Variants in DDX3X observed in about 807,000 individuals in gnomAD.
The protein encoded by DDX3X is DEAD-box helicase 3 X-linked, also known as ATP-dependent RNA helicase DDX3X.
A neutral mutation model predicts 52.7 loss-of-function variants in DDX3X; 4 were observed. The ratio of observed to expected loss-of-function variants is 0.08; its 90% CI spans 0.04 to 0.17. DDX3X has a LOEUF of 0.17. Among genes scored for constraint, DDX3X ranks in the 10% least tolerant of loss-of-function variants. The pLI, the probability that DDX3X is intolerant of heterozygous loss-of-function variation, is 1.00. For missense variants in DDX3X, 222 were observed against 548.6 expected, an observed-to-expected ratio of 0.40 and a Z score of 5.95; for synonymous variants, 192 against 178.1, an observed-to-expected ratio of 1.08 and a Z score of -0.62.
At chrX:41,343,381 A>G (rs369874066) in intron 7 of DDX3X, 30 bp downstream of exon 7, 64 of 1,158,565 alleles carry the variant, frequency 5.5e-5, no homozygotes, top group African/African-American at 4.6e-4. Context: ...GTAAAACATC[A>G]TATTTCTTCT....
At chrX:41,362,336 G>T (rs1721683) in intron 5 of DDX3X, among the ~76,000 whole-genome samples, 1 of 110,426 alleles carries the variant, frequency 9.1e-6, no homozygotes, top group African/African-American at 3.3e-5. Context: ...TAATCTGCCC[G>T]CCTTGGCCCC....
At position 41,342,506 on chromosome X, in the gene DDX3X, G is replaced by A; in HGVS notation, c.296G>A (p.Arg99His). 8.3e-7 allele frequency: 1 copy of A among 1,211,427 alleles called. No individual in the cohort carries two copies. The highest frequency in any genetic ancestry group is 1.1e-6 in the Non-Finnish European group (1 of 895,266). Residue 99 changes from arginine (R) to histidine (H), a missense_variant, in exon 5 of 17, where the codon CGT becomes CAT. Transcript: ENST00000644876. The part of the protein sequence containing the change: ...GSGSRGRFDD[R>H]GRSDYDGIGS... ...CTTGTGCTGTTCAGGTTTGATGATC[G>A]TGGACGGAGTGATTACGATGGCATT...
rs1014618431 is a variant in DDX3X, at chrX:41,343,649, T to C, written c.680-88T>C. On this transcript the variant is annotated intron_variant, in intron 7 of 16. Coordinates refer to ENST00000644876, the MANE Select transcript of DDX3X (RefSeq NM_001356.5). ...AAGCATAAACTAAAAGTACTAATTA[T>C]TAGTAATAGGGTAGTTAAAAAACAC... is the stretch of plus-strand genomic sequence containing the variant. 7.6e-5 allele frequency: 63 copies of C among 828,432 alleles called. No homozygotes were observed. The African/African-American group carries it at 1.2e-3, about 16-fold the overall frequency. 68.3% of individuals were successfully genotyped at this position (828,432 alleles called of 1,213,427 possible).
At chrX:41,362,136 TG>T (rs2064032255) in intron 5 of DDX3X, among the ~76,000 whole-genome samples, 1 of 100,005 alleles carries the variant, frequency 1.0e-5, no homozygotes, top group Admixed American at 1.2e-4. Flanking sequence ...TTGCCCAGAC[TG>T]GAGTGCAATG....
chrX:41,333,470 C>T (rs771251274), upstream of DDX3X: 20 of 109,025 alleles, frequency 1.8e-4, no homozygotes, highest in Middle Eastern at 4.6e-3. Flanking sequence ...TCCTCTTCCC[C>T]TCCCCTCCCC....
At chrX:41,347,252 G>GT in intron 15 of DDX3X, 60 bp from the exon 16 acceptor site, 2 of 1,131,688 alleles carry the variant, frequency 1.8e-6, no homozygotes, top group Admixed American at 2.5e-5. Context: ...TTAGGAAAGA[G>GT]TTAGGTTACT....
intron 1 of DDX3X, chrX:41,336,185 G>A (rs2063766712): frequency 8.9e-6 from 1 of 112,244 alleles, no homozygotes; most frequent in Non-Finnish European, 1.9e-5. Flanking sequence ...TTTGCAAACA[G>A]GTTGGCAGCG....
chrX:41,346,317 T>C lies in DDX3X; in HGVS notation c.1404T>C (p.Cys468=), dbSNP rs377161897. Residue 468 remains cysteine, a synonymous_variant, in exon 13 of 17, where the codon TGT becomes TGC. Transcript: ENST00000644876. ...EDFLYHEGYA[C]TSIHGDRSQR... ...TCTTATACCATGAAGGATACGCATGTACCAGCATCCATGGAGACCGTTCTC... is the reference window on the plus strand; with the variant it reads ...TCTTATACCATGAAGGATACGCATGCACCAGCATCCATGGAGACCGTTCTC... The C allele has an allele frequency of 4.1e-6, 5 of 1,210,544 alleles. No homozygotes were observed. The highest frequency in any genetic ancestry group is 5.6e-6 in the Non-Finnish European group (5 of 894,451).
intron 6 of DDX3X, 29 bp downstream of exon 6, chrX:41,342,865 C>T: frequency 9.1e-7 from 1 of 1,095,234 alleles, no homozygotes; most frequent in East Asian, 3.0e-5. Context: ...CTTTTTAAGA[C>T]ACAGAGAGGT....
In DDX3X at chrX:41,347,828, C is replaced by A; in HGVS notation, c.*109C>A. ...TCAAGAACTCGCAGTACATTACCAGCTGTGATTCTCCACTGAAATTTTTTT... is the reference window on the plus strand; with the variant it reads ...TCAAGAACTCGCAGTACATTACCAGATGTGATTCTCCACTGAAATTTTTTT... On this transcript the variant is annotated 3_prime_UTR_variant, in exon 17 of 17. Transcript: ENST00000644876. The A allele has an allele frequency of 1.9e-6, 1 of 516,728 alleles. No homozygotes were observed. The highest frequency in any genetic ancestry group is 3.2e-6 in the Non-Finnish European group (1 of 316,781). The allele number at this position is 516,728 out of a possible 1,213,427, so 42.6% of individuals were successfully genotyped here.
chrX:41,355,645 CTTTTTTTTT>C (rs36111286), intron 5 of DDX3X, among the ~76,000 whole-genome samples: 1 of 85,814 alleles, frequency 1.2e-5, no homozygotes, highest in Admixed American at 1.4e-4. Flanking sequence ...TTTTCTTTTT[CTTTTTTTTT>C]TTTTTTTTGA....
rs200292033 is a variant in DDX3X, at chrX:41,339,012, T to TTA, written c.104-10_104-9dup. 297 of 746,934 alleles carry TTA rather than the reference T, an allele frequency of 4.0e-4. No individual in the cohort carries two copies. Among genetic ancestry groups the TTA allele is most frequent in the South Asian group, 2.4e-3 (49 of 20,124 alleles). The allele number at this position is 746,934 out of a possible 1,213,427, so 61.6% of individuals were successfully genotyped here. On this transcript the variant is annotated intron_variant, in intron 2 of 16. Transcript: ENST00000644876. ...AAGGTTTTTTGGCATTTAATTAATT[T>TTA]TATATATATATATATTTTTTTAGAA...
chrX:41,348,961 G>A lies in DDX3X; in HGVS notation c.*1242G>A, dbSNP rs1266088065. 1.8e-5 allele frequency: 2 copies of A among 111,995 alleles called. No homozygotes were observed. Among genetic ancestry groups the A allele is most frequent in the African/African-American group, 6.5e-5 (2 of 30,739 alleles). The allele number at this position is 111,995 out of a possible 1,213,427, so 9.2% of individuals were successfully genotyped here. Reference sequence around the variant, plus strand: ...GTTTTAGTCAGTTTTAGTTGCATAGGTTTCCATTGTATTTATAGTCTGTTT... The same window carrying A: ...GTTTTAGTCAGTTTTAGTTGCATAGATTTCCATTGTATTTATAGTCTGTTT... On this transcript the variant is annotated 3_prime_UTR_variant, in exon 17 of 17. Transcript: ENST00000644876.
At position 41,337,476 on chromosome X, in the gene DDX3X, C is replaced by T; in HGVS notation, c.103+11C>T. 1 of 1,184,290 alleles carries T rather than the reference C, an allele frequency of 8.4e-7. No homozygotes were observed. The highest frequency in any genetic ancestry group is 1.1e-6 in the Non-Finnish European group (1 of 872,454). On this transcript the variant is annotated intron_variant, in intron 2 of 16. Coordinates refer to ENST00000644876, the MANE Select transcript of DDX3X (RefSeq NM_001356.5). ...GAAGTACAGCCAGCAGTAAGTACAACATCTTGTGGGTTTATTGAATATTAG... is the reference window on the plus strand; with the variant it reads ...GAAGTACAGCCAGCAGTAAGTACAATATCTTGTGGGTTTATTGAATATTAG...
At chrX:41,334,588 C>T (rs2063730744) in intron 1 of DDX3X, 1 of 1,079,315 alleles carries the variant, frequency 9.3e-7, no homozygotes, top group Non-Finnish European at 1.2e-6. Flanking sequence ...CTCGCGGGGA[C>T]GCGCATGCGC....
chrX:41,357,831 A>T (rs6520743), intron 5 of DDX3X: 124,757 of 293,469 alleles, frequency 0.43, 19,311 homozygotes, highest in East Asian at 0.62. Flanking sequence ...TGTTCATCCT[A>T]GGATCATGCT....
chrX:41,334,620 C>CT, intron 1 of DDX3X: 4 of 1,089,787 alleles, frequency 3.7e-6, no homozygotes, highest in Non-Finnish European at 4.8e-6. Flanking sequence ...GATTAGTGAC[C>CT]TGGGGGGGTT....
chrX:41,343,644 A>G (rs1187200042), intron 7 of DDX3X, 93 bp from the exon 8 acceptor site: 2 of 805,912 alleles, frequency 2.5e-6, no homozygotes, highest in Admixed American at 3.0e-5. Context: ...TAAAAGTACT[A>G]ATTATTAGTA....
Position 41,336,914 on chromosome X carries a change from C to T in DDX3X, c.46-494C>T, listed in dbSNP as rs758294742. 2.7e-5 allele frequency among the ~76,000 whole-genome samples: 3 copies of T among 111,821 alleles called. No individual in the cohort carries two copies. In the Admixed American group the frequency reaches 2.8e-4, roughly 11 times the overall value. ...TGAAGTATCTAACTAAAAGAACGGCCACTTCGAAATTTGTCCTGACATTTT... is the reference window on the plus strand; with the variant it reads ...TGAAGTATCTAACTAAAAGAACGGCTACTTCGAAATTTGTCCTGACATTTT... On this transcript the variant is annotated intron_variant, in intron 1 of 16. Transcript: ENST00000644876.
Sources: allele counts gnomAD v4.1 joint callset (sites outside exome capture counted in the v4.1 genomes callset), GRCh38; gene constraint gnomAD v4.1.1; transcripts MANE v1.5; gene names NCBI Gene and HGNC (gene_info 2026-07-23, HGNC 2026-07-21).